SLBP: variants seen among roughly 807,000 people sequenced by gnomAD.
The protein encoded by SLBP is stem-loop histone mRNA binding protein, also known as histone RNA hairpin-binding protein.
Under a neutral mutation model 39.2 loss-of-function variants are expected in SLBP, and 29 were observed. The ratio of observed to expected loss-of-function variants is 0.74; its 90% CI spans 0.55 to 1.01. SLBP has a LOEUF of 1.01. Ranked by LOEUF, SLBP falls within the 50% of genes least tolerant of loss-of-function variation. The pLI is 0.00. For missense variants in SLBP, 390 were observed against 350.2 expected, an observed-to-expected ratio of 1.11 and a Z score of -0.91; for synonymous variants, 129 against 118.7, an observed-to-expected ratio of 1.09 and a Z score of -0.57.
chr4:1,702,382 A>G (rs1418750016), intron 3 of SLBP, among the ~76,000 whole-genome samples: 1 of 152,202 alleles, frequency 6.6e-6, no homozygotes, highest in Non-Finnish European at 1.5e-5. Context: ...TCAATAACCA[A>G]TTCCCACATA....
intron 2 of SLBP, among the ~76,000 whole-genome samples, chr4:1,709,552 C>T (rs941607212): frequency 2.0e-5 from 3 of 152,094 alleles, no homozygotes; most frequent in African/African-American, 4.8e-5. Context: ...TCATTGAAAC[C>T]GCTATAATTA....
rs896220883 is a variant in SLBP, at chr4:1,711,759, G to A, written c.176+115C>T. Reference sequence around the variant, plus strand: ...GGCCGCGCGGAGACCAAGATAAAAGGACGCAGGGTGCCGACCTGACCGATC... The same window carrying A: ...GGCCGCGCGGAGACCAAGATAAAAGAACGCAGGGTGCCGACCTGACCGATC... On this transcript the variant is annotated intron_variant, in intron 2 of 7. Transcript: ENST00000489418. 10 of 488,290 alleles carry A rather than the reference G, an allele frequency of 2.0e-5. No homozygotes were observed. In the Admixed American group the frequency reaches 2.7e-4, roughly 13 times the overall value. 30.2% of individuals were successfully genotyped at this position (488,290 alleles called of 1,614,324 possible). A position where few individuals can be genotyped will look rare whatever the true frequency, so the allele number is the denominator to read the frequency against.
intron 5 of SLBP, among the ~76,000 whole-genome samples, chr4:1,697,408 G>C (rs798721): frequency 1.3e-5 from 2 of 151,996 alleles, no homozygotes; most frequent in Non-Finnish European, 2.9e-5. Context: ...GGCGGAGGTT[G>C]CAGTGAGCCA....
chr4:1,704,881 G>A (rs1364479163), intron 2 of SLBP, among the ~76,000 whole-genome samples: 2 of 151,916 alleles, frequency 1.3e-5, no homozygotes, highest in East Asian at 1.9e-4. Flanking sequence ...GTATGATCCT[G>A]TACTTGCCAA....
chr4:1,711,994 CG>C lies in SLBP; in HGVS notation c.60-5del. 1 of 1,287,808 alleles carries C rather than the reference CG, an allele frequency of 7.8e-7. No homozygotes were observed. Among genetic ancestry groups the C allele is most frequent in the South Asian group, 2.3e-5 (1 of 44,356 alleles). 79.8% of individuals were successfully genotyped at this position (1,287,808 alleles called of 1,614,324 possible). A position where few individuals can be genotyped will look rare whatever the true frequency, so the allele number is the denominator to read the frequency against. Reference sequence around the variant, plus strand: ...CCATCGCGCGGGGGACGGCGGGCTGCGGGGAGGGACGCGGTCGGCTGGGCAC... The same window carrying C: ...CCATCGCGCGGGGGACGGCGGGCTGCGGGAGGGACGCGGTCGGCTGGGCAC... On this transcript the variant is annotated splice_polypyrimidine_tract_variant and splice_region_variant and intron_variant, in intron 1 of 7. Coordinates refer to ENST00000489418, the MANE Select transcript of SLBP (RefSeq NM_006527.4).
Position 1,703,626 on chromosome 4 carries a change from A to C in SLBP, c.251T>G (p.Met84Arg). The C allele has an allele frequency of 1.2e-6, 2 of 1,613,554 alleles. No individual in the cohort carries two copies. Among genetic ancestry groups the C allele is most frequent in the South Asian group, 2.2e-5 (2 of 91,074 alleles). Residue 84 changes from methionine (M) to arginine (R), a missense_variant, in exon 3 of 8, where the codon ATG becomes AGG. Met to Arg is a moderately conservative substitution (Grantham distance 91). Coordinates refer to ENST00000489418, the MANE Select transcript of SLBP (RefSeq NM_006527.4). Reference protein sequence around the residue: ...DWASAVEEDEMRTRVNKEMAR... With the variant: ...DWASAVEEDERRTRVNKEMAR... Reference sequence around the variant, plus strand: ...CATTTCTTTGTTAACTCTGGTCCTCATTTCATCTTCTTCAACTGCACTTGC... The same window carrying C: ...CATTTCTTTGTTAACTCTGGTCCTCCTTTCATCTTCTTCAACTGCACTTGC...
intron 2 of SLBP, among the ~76,000 whole-genome samples, chr4:1,704,856 T>TGTCTA (rs200001103): frequency 0.019 from 2,963 of 152,298 alleles, 47 homozygotes; most frequent in South Asian, 0.066. Flanking sequence ...TTTCCAGACA[T>TGTCTA]GTCTATACTA....
At chr4:1,708,214 T>C (rs1300744036) in intron 2 of SLBP, among the ~76,000 whole-genome samples, 2 of 152,156 alleles carry the variant, frequency 1.3e-5, no homozygotes, top group Non-Finnish European at 2.9e-5. Context: ...ATCACACCAC[T>C]GAACTCCAGC....
intron 2 of SLBP, among the ~76,000 whole-genome samples, chr4:1,704,717 CAGGT>C (rs1279922097): frequency 2.0e-5 from 3 of 152,140 alleles, no homozygotes; most frequent in African/African-American, 7.2e-5. Flanking sequence ...GAGGCTATCT[CAGGT>C]GGGTGTTTCC....
In SLBP at chr4:1,700,001, C is replaced by T; in HGVS notation, c.341+10G>A. On this transcript the variant is annotated intron_variant, in intron 4 of 7. Coordinates refer to ENST00000489418, the MANE Select transcript of SLBP (RefSeq NM_006527.4). ...TCAAATTAGAAAAGAAACATTTACA[C>T]AGCCTTTACCTTCCTGATGATGATT... is the stretch of plus-strand genomic sequence containing the variant. The T allele has an allele frequency of 6.4e-7, 1 of 1,561,618 alleles. No homozygotes were observed. The highest frequency in any genetic ancestry group is 8.7e-7 in the Non-Finnish European group (1 of 1,151,196).
chr4:1,697,814 A>C (rs1365395478), intron 5 of SLBP, among the ~76,000 whole-genome samples: 1 of 152,138 alleles, frequency 6.6e-6, no homozygotes. Flanking sequence ...ATTGTACTCC[A>C]GCCTGGACTA....
chr4:1,699,142 A>C (rs895781332), intron 5 of SLBP, among the ~76,000 whole-genome samples: 1 of 152,222 alleles, frequency 6.6e-6, no homozygotes, highest in Non-Finnish European at 1.5e-5. Flanking sequence ...AGCTTTCTTT[A>C]TATCCTTCTG....
At chr4:1,700,492 A>G (rs945737453) in intron 3 of SLBP, among the ~76,000 whole-genome samples, 1 of 151,866 alleles carries the variant, frequency 6.6e-6, no homozygotes, top group African/African-American at 2.4e-5. Flanking sequence ...AAAGTATGAC[A>G]TCTCCAAAAG....
intron 2 of SLBP, among the ~76,000 whole-genome samples, chr4:1,707,398 CG>C (rs1560258154): frequency 2.0e-5 from 3 of 149,674 alleles, no homozygotes. Context: ...CCCAGCTACT[CG>C]GGAGGCTAAG....
chr4:1,692,996 C>A lies in SLBP; in HGVS notation c.*601G>T, dbSNP rs1229826348. 6.5e-6 allele frequency: 1 copy of A among 152,756 alleles called. No individual in the cohort carries two copies. Among genetic ancestry groups the A allele is most frequent in the Non-Finnish European group, 1.5e-5 (1 of 68,138 alleles). The allele number at this position is 152,756 out of a possible 1,614,324, so 9.5% of individuals were successfully genotyped here. ...ATCGCTCCACTCTGCTGCCCTAACTCTTGGAGTATTCTAAAGAGTCTAACT... is the reference window on the plus strand; with the variant it reads ...ATCGCTCCACTCTGCTGCCCTAACTATTGGAGTATTCTAAAGAGTCTAACT... On this transcript the variant is annotated 3_prime_UTR_variant, in exon 8 of 8. Coordinates refer to ENST00000489418, the MANE Select transcript of SLBP (RefSeq NM_006527.4).
chr4:1,694,657 C>T (rs1716039411), intron 7 of SLBP, 117 bp downstream of exon 7: 1 of 758,082 alleles, frequency 1.3e-6, no homozygotes, highest in South Asian at 1.5e-5. Context: ...TCCCAAGGTG[C>T]TGGGATTACA....
At position 1,711,961 on chromosome 4, in the gene SLBP, C is replaced by A; in HGVS notation, c.89G>T (p.Gly30Val). The part of the protein sequence containing the change: ...SPPSPARWSL[G>V]RKRRADGRRW... ...CCTGCCGTCGGCTCTGCGCTTCCGT[C>A]CCAGGCTCCATCGCGCGGGGGACGG... Residue 30 changes from glycine to valine, a missense_variant, in exon 2 of 8, where the codon GGA (glycine) becomes GTA (valine). Transcript: ENST00000489418. The A allele has an allele frequency of 7.6e-7, 1 of 1,318,922 alleles. No individual in the cohort carries two copies. The highest frequency in any genetic ancestry group is 2.0e-5 in the South Asian group (1 of 49,866). The allele number at this position is 1,318,922 out of a possible 1,614,324, so 81.7% of individuals were successfully genotyped here.
chr4:1,710,511 A>G (rs1192138757), intron 2 of SLBP, among the ~76,000 whole-genome samples: 2 of 152,232 alleles, frequency 1.3e-5, no homozygotes, highest in South Asian at 4.1e-4. Context: ...AGAACACGAA[A>G]TTACAGAAAG....
At chr4:1,711,336 C>T (rs1716760711) in intron 2 of SLBP, among the ~76,000 whole-genome samples, 1 of 151,886 alleles carries the variant, frequency 6.6e-6, no homozygotes, top group South Asian at 2.1e-4. Context: ...CGAGCCACCC[C>T]AAAGCCCCTC....
Sources: allele counts gnomAD v4.1 joint callset (sites outside exome capture counted in the v4.1 genomes callset), GRCh38; gene constraint gnomAD v4.1.1; transcripts MANE v1.5; gene names NCBI Gene and HGNC (gene_info 2026-07-23, HGNC 2026-07-21).